The following LACTBL1 variants were observed in gnomAD, a reference collection of about 807,000 sequenced individuals.
The protein encoded by LACTBL1 is lactamase beta like 1.
In LACTBL1, 29 loss-of-function variants were observed where a neutral mutation model predicts 39.6. The ratio of observed to expected loss-of-function variants is 0.73; its 90% confidence interval spans 0.55 to 1.00. LACTBL1 has a LOEUF of 1.00. LACTBL1 is among the 50% of genes least tolerant of loss of function. The pLI is 0.00. For synonymous variants in LACTBL1, 361 were observed against 360.7 expected, an observed-to-expected ratio of 1.00 and a Z score of -0.01; for missense variants, 711 against 748.5, an observed-to-expected ratio of 0.95 and a Z score of 0.59.
chr1:22,958,448 A>G (rs1640783979), intron 4 of LACTBL1, among the ~76,000 whole-genome samples: 1 of 152,240 alleles, frequency 6.6e-6, no homozygotes, highest in Non-Finnish European at 1.5e-5. Flanking sequence ...CTGATGGGTA[A>G]GACCTGCCAA....
chr1:22,953,890 A>T lies in LACTBL1; in HGVS notation c.794T>A (p.Leu265His), dbSNP rs574026880. 2.9e-5 allele frequency: 45 copies of T among 1,549,806 alleles called. No individual in the cohort carries two copies. The East Asian group carries it at 1.1e-3, about 36-fold the overall frequency. ...CAGGCGCGCGCGCACGTCGGGCGTG[A>T]GGTCAAAGCCCGTGTCTGCCATCCC... Residue 265 changes from leucine to histidine, a missense_variant, in exon 6 of 6, where the codon CTC (leucine) becomes CAC (histidine). Coordinates refer to ENST00000426928, the Ensembl canonical transcript of LACTBL1.
chr1:22,954,475 T>A (rs1180471001), intron 5 of LACTBL1, among the ~76,000 whole-genome samples: 1 of 152,216 alleles, frequency 6.6e-6, no homozygotes, highest in East Asian at 1.9e-4. Context: ...AGGCCTCTTT[T>A]CTTTCCCAGA....
intron 2 of LACTBL1, among the ~76,000 whole-genome samples, chr1:22,961,100 C>T (rs1640818220): frequency 6.6e-6 from 1 of 152,054 alleles, no homozygotes; most frequent in Admixed American, 6.6e-5. Flanking sequence ...TTGAAAATAC[C>T]TCATCATTTT....
At chr1:22,953,494 A>C (rs893005828) in exon 6 of LACTBL1, 1 of 1,230,440 alleles carries the variant, frequency 8.1e-7, no homozygotes, top group African/African-American at 1.6e-5. Flanking sequence ...CCGCGCCACC[A>C]GGTCGGGCCC....
At chr1:22,959,174 G>A (rs1418002841) in intron 3 of LACTBL1, among the ~76,000 whole-genome samples, 3 of 152,190 alleles carry the variant, frequency 2.0e-5, no homozygotes, top group African/African-American at 4.8e-5. Flanking sequence ...TCCCATTCAG[G>A]GACAGACCTG....
upstream of LACTBL1, among the ~76,000 whole-genome samples, chr1:22,969,796 G>A (rs528112332): frequency 1.5e-4 from 23 of 152,282 alleles, no homozygotes; most frequent in African/African-American, 4.8e-4. Context: ...AGCCGCTCAT[G>A]GTAACTGGCT....
chr1:22,964,019 C>T (rs1241289339), intron 1 of LACTBL1, among the ~76,000 whole-genome samples: 1 of 152,184 alleles, frequency 6.6e-6, no homozygotes, highest in Non-Finnish European at 1.5e-5. Context: ...TCACTTCAAC[C>T]TCTGCCTCCC....
At chr1:22,954,779 A>G (rs1441286377) in intron 5 of LACTBL1, among the ~76,000 whole-genome samples, 1 of 152,204 alleles carries the variant, frequency 6.6e-6, no homozygotes, top group African/African-American at 2.4e-5. Context: ...CAGCATTTGG[A>G]GAAGCAGAGG....
intron 5 of LACTBL1, among the ~76,000 whole-genome samples, chr1:22,954,227 CGGGGAATTGCCCA>C (rs1358071567): frequency 6.6e-6 from 1 of 152,142 alleles, no homozygotes; most frequent in Non-Finnish European, 1.5e-5. Flanking sequence ...CAGAGAGGGG[CGGGGAATTGCCCA>C]GGGTCATACA....
chr1:22,971,703 G>C, the LACTBL1 span, among the ~76,000 whole-genome samples: 4 of 152,262 alleles, frequency 2.6e-5, no homozygotes, highest in African/African-American at 9.6e-5. Context: ...TCAGACACAA[G>C]GGCCTGGGGC....
intron 4 of LACTBL1, 27 bp from the exon 7 acceptor site, chr1:22,955,453 C>A: frequency 6.7e-7 from 1 of 1,495,962 alleles, no homozygotes; most frequent in Non-Finnish European, 9.1e-7. Flanking sequence ...GTCAGACTTA[C>A]CGGGCCCGGC....
At chr1:22,962,938 G>T (rs1354716791) in intron 2 of LACTBL1, among the ~76,000 whole-genome samples, 169 bp downstream of exon 4, 5 of 152,244 alleles carry the variant, frequency 3.3e-5, no homozygotes, top group African/African-American at 1.2e-4. Context: ...GAGCAGGTCA[G>T]TGTCTTCTTC....
chr1:22,966,837 T>C (rs148974445), upstream of LACTBL1, among the ~76,000 whole-genome samples: 106 of 152,290 alleles, frequency 7.0e-4, no homozygotes, highest in East Asian at 0.017. Flanking sequence ...CACTTAGTCA[T>C]GCTTCAGGGT....
upstream of LACTBL1, among the ~76,000 whole-genome samples, chr1:22,967,703 T>C (rs551399946): frequency 1.3e-5 from 2 of 152,196 alleles, no homozygotes; most frequent in South Asian, 4.2e-4. Flanking sequence ...CCTTGGGCAC[T>C]CAACACTCGA....
At chr1:22,961,226 G>A (rs1029565069) in intron 2 of LACTBL1, among the ~76,000 whole-genome samples, 2 of 152,230 alleles carry the variant, frequency 1.3e-5, no homozygotes, top group Non-Finnish European at 2.9e-5. Context: ...TCGTGAGTCA[G>A]TGCTAATTTC....
chr1:22,969,504 T>C (rs1396339421), upstream of LACTBL1, among the ~76,000 whole-genome samples: 1 of 152,146 alleles, frequency 6.6e-6, no homozygotes, highest in African/African-American at 2.4e-5. Context: ...ATCTCTCACA[T>C]GTTGAGCACA....
chr1:22,966,462 A>G (rs1407385769), upstream of LACTBL1, among the ~76,000 whole-genome samples: 1 of 152,168 alleles, frequency 6.6e-6, no homozygotes, highest in Non-Finnish European at 1.5e-5. Flanking sequence ...TACACACGCA[A>G]TCCCTCAGTG....
chr1:22,962,434 C>G (rs1640834869), intron 2 of LACTBL1, among the ~76,000 whole-genome samples: 2 of 152,144 alleles, frequency 1.3e-5, no homozygotes. Flanking sequence ...GTGGGTGACC[C>G]AAGTGGCTGG....
chr1:22,953,781 G>A (rs1640733807), exon 6 of LACTBL1: 1 of 1,516,458 alleles, frequency 6.6e-7, no homozygotes, highest in Non-Finnish European at 8.8e-7. Flanking sequence ...GGTCGGCGGC[G>A]GTAGAGTACA....
Sources: gnomAD v4.1 joint callset for allele counts (sites outside exome capture counted in the v4.1 genomes callset) on GRCh38, gnomAD v4.1.1 for gene constraint, MANE v1.5 for transcripts, NCBI Gene and HGNC (gene_info 2026-07-23, HGNC 2026-07-21) for gene names.